Variants in MLLT10 observed in about 807,000 individuals in gnomAD.
MLLT10 encodes protein AF-10.
Under a neutral mutation model 129.1 loss-of-function variants are expected in MLLT10, and 30 were observed. The observed-to-expected ratio is 0.23, with a 90% CI of 0.17 to 0.32. The LOEUF is 0.32. Among genes scored for constraint, MLLT10 ranks in the 10% least tolerant of loss-of-function variants. The probability of loss-of-function intolerance (pLI) is 1.00; values close to 1 mark genes in which losing one functional copy is unlikely to be tolerated. For synonymous variants in MLLT10, 490 were observed against 446.4 expected (o/e 1.10, Z -1.23); for missense variants, 1,119 against 1,268.3 (o/e 0.88, Z 1.79).
At chr10:21,551,943 C>T (rs1349686583) in intron 3 of MLLT10, 4 of 280,360 alleles carry the variant, frequency 1.4e-5, no homozygotes, top group Non-Finnish European at 2.8e-5. Flanking sequence ...TACAGGCACA[C>T]ACCACCATGC....
At position 21,617,165 on chromosome 10, in the gene MLLT10, T is replaced by C. The variant is rs771970064; in HGVS notation, c.657T>C (p.Ser219=). The change falls in exon 8 of 23, where the codon TCT becomes TCC. Residue 219 remains serine (S), a synonymous_variant. Coordinates refer to ENST00000307729, the MANE Select transcript of MLLT10 (RefSeq NM_001195626.3). ...CATATGATCAAAGTTTAAGTGATTCTTCCTCTCACTCTCAGGATAAACATC... is the reference window on the plus strand; with the variant it reads ...CATATGATCAAAGTTTAAGTGATTCCTCCTCTCACTCTCAGGATAAACATC... ...NRSYDQSLSD[S]SSHSQDKHHE... is the part of the protein sequence containing the mutation. 7 of 1,543,512 alleles carry C rather than the reference T, an allele frequency of 4.5e-6. No homozygotes were observed. In the East Asian group the frequency reaches 1.4e-4, roughly 30 times the overall value.
chr10:21,711,747 C>G (rs1442701877), intron 13 of MLLT10, among the ~76,000 whole-genome samples: 1 of 152,058 alleles, frequency 6.6e-6, no homozygotes, highest in Non-Finnish European at 1.5e-5. Context: ...TCTCAGAAAA[C>G]AAACAAACAA....
At chr10:21,613,087 G>A (rs1589231772) in intron 6 of MLLT10, among the ~76,000 whole-genome samples, 2 of 150,424 alleles carry the variant, frequency 1.3e-5, no homozygotes, top group East Asian at 3.9e-4. Context: ...CTAGCTACTT[G>A]GAAAGCTGAG....
chr10:21,648,465 C>CTT (rs902501092), intron 8 of MLLT10, among the ~76,000 whole-genome samples: 3 of 152,060 alleles, frequency 2.0e-5, no homozygotes, highest in Non-Finnish European at 4.4e-5. Context: ...TGTTTGTTTA[C>CTT]TTTTTTGTTA....
chr10:21,693,271 G>C (rs547509520), intron 13 of MLLT10, among the ~76,000 whole-genome samples: 1 of 152,052 alleles, frequency 6.6e-6, no homozygotes, highest in South Asian at 2.1e-4. Context: ...TACTTCTCTA[G>C]GAAACTTACT....
rs774274141 is a variant in MLLT10, at chr10:21,673,558, C to T, written c.1260C>T (p.Leu420=). 6.2e-7 allele frequency: 1 copy of T among 1,613,288 alleles called. No individual in the cohort carries two copies. The highest frequency in any genetic ancestry group is 8.5e-7 in the Non-Finnish European group (1 of 1,179,738). Residue 420 remains leucine (L), a synonymous_variant, in exon 11 of 23, where the codon CTC becomes CTT. Transcript: ENST00000307729. ...ATAGTTTTAGTACCTTAATTGGCCT[C>T]CCTTCAACCTCAGCTGTTACTTCAC... ...GVNSFSTLIG[L]PSTSAVTSQP...
chr10:21,607,148 A>C (rs1278365988), intron 5 of MLLT10, among the ~76,000 whole-genome samples: 1 of 152,174 alleles, frequency 6.6e-6, no homozygotes, highest in African/African-American at 2.4e-5. Flanking sequence ...GAAGCCATCA[A>C]CACTGAGGCA....
Position 21,743,332 on chromosome 10 carries a change from CA to C in MLLT10, c.*1352del, listed in dbSNP as rs1833904714. 2 of 219,110 alleles carry C rather than the reference CA, an allele frequency of 9.1e-6. No individual in the cohort carries two copies. The highest frequency in any genetic ancestry group is 4.5e-5 in the African/African-American group (2 of 44,558). The allele number at this position is 219,110 out of a possible 1,614,324, so 13.6% of individuals were successfully genotyped here. On this transcript the variant is annotated 3_prime_UTR_variant, in exon 23 of 23. Coordinates refer to ENST00000307729, the MANE Select transcript of MLLT10 (RefSeq NM_001195626.3). ...TTTGTGAATCTGTTTTGTATTGTGA[CA>C]AATTCATAAGATAACATTGATATTT...
intron 11 of MLLT10, among the ~76,000 whole-genome samples, chr10:21,675,761 A>C (rs1033511485): frequency 6.6e-6 from 1 of 152,194 alleles, no homozygotes; most frequent in African/African-American, 2.4e-5. Context: ...AGACCTCTTT[A>C]CTGATTTTCT....
At chr10:21,729,988 G>A (rs2057821538) in intron 16 of MLLT10, among the ~76,000 whole-genome samples, 1 of 152,082 alleles carries the variant, frequency 6.6e-6, no homozygotes, top group Admixed American at 6.6e-5. Context: ...TGGGGGCTGG[G>A]CACGGTGGCT....
intron 9 of MLLT10, among the ~76,000 whole-genome samples, chr10:21,656,321 A>AT (rs1315908094): frequency 6.6e-6 from 1 of 152,162 alleles, no homozygotes; most frequent in African/African-American, 2.4e-5. Context: ...AAAATTATTG[A>AT]TATATCGTAG....
chr10:21,547,473 T>C, intron 3 of MLLT10, among the ~76,000 whole-genome samples: 1 of 151,504 alleles, frequency 6.6e-6, no homozygotes, highest in South Asian at 2.1e-4. Flanking sequence ...TGGGCTCATG[T>C]GATCCTCTCA....
At chr10:21,560,750 A>G (rs921698303) in intron 3 of MLLT10, among the ~76,000 whole-genome samples, 5 of 152,046 alleles carry the variant, frequency 3.3e-5, no homozygotes, top group African/African-American at 4.8e-5. Flanking sequence ...CATCTGGTCT[A>G]TTTTCTGGTT....
intron 3 of MLLT10, among the ~76,000 whole-genome samples, chr10:21,569,364 C>T (rs1460291299): frequency 6.6e-6 from 1 of 151,584 alleles, no homozygotes; most frequent in Non-Finnish European, 1.5e-5. Context: ...CTCAAATGAT[C>T]CTCCCACCTC....
chr10:21,742,024 A>C lies in MLLT10; in HGVS notation c.*41A>C, dbSNP rs557196032. On this transcript the variant is annotated 3_prime_UTR_variant, in exon 23 of 23. Coordinates refer to ENST00000307729, the MANE Select transcript of MLLT10 (RefSeq NM_001195626.3). ...TAGAAATTGCCTATCCTGCTGTTCT[A>C]GCACTTCATCTGGCTGCCTTTGCAG... 1.9e-6 allele frequency: 3 copies of C among 1,597,990 alleles called. No homozygotes were observed. The highest frequency in any genetic ancestry group is 1.7e-6 in the Non-Finnish European group (2 of 1,169,928).
rs56000691 is a variant in MLLT10, at chr10:21,676,720, C to CAAAAAAAAAAAAA, written c.1621+2825_1621+2837dup. Among the ~76,000 whole-genome samples, 9 of 32,012 alleles carry CAAAAAAAAAAAAA rather than the reference C, an allele frequency of 2.8e-4. 1 individual carries two copies. The highest frequency in any genetic ancestry group is 4.9e-3 in the East Asian group (2 of 412). 21.0% of individuals were successfully genotyped at this position (32,012 alleles called of 152,430 possible). A position where few individuals can be genotyped will look rare whatever the true frequency, so the allele number is the denominator to read the frequency against. On this transcript the variant is annotated intron_variant, in intron 11 of 22. Transcript: ENST00000307729. ...TGGGAGACAGAGCGAGACTCCATCT[C>CAAAAAAAAAAAAA]AAAAAAAAAAAAAAAAAAAAAAAAA...
At chr10:21,689,569 A>ATATATATATATATGTATGTG (rs2053632215) in intron 13 of MLLT10, among the ~76,000 whole-genome samples, 14 of 83,186 alleles carry the variant, frequency 1.7e-4, no homozygotes, top group African/African-American at 4.8e-4. Flanking sequence ...ATATATGTAT[A>ATATATATATATATGTATGTG]TATATATATA....
chr10:21,558,236 C>A (rs2038322530), intron 3 of MLLT10, among the ~76,000 whole-genome samples: 1 of 151,870 alleles, frequency 6.6e-6, no homozygotes, highest in Admixed American at 6.6e-5. Flanking sequence ...CAGGCGTGAG[C>A]CACTGTGCTT....
intron 8 of MLLT10, among the ~76,000 whole-genome samples, chr10:21,623,336 C>T (rs2046090790): frequency 6.6e-6 from 1 of 152,096 alleles, no homozygotes; most frequent in Admixed American, 6.6e-5. Context: ...CAAGATTTAC[C>T]TTATTAGTGT....
Sources: gnomAD v4.1 joint callset for allele counts (sites outside exome capture counted in the v4.1 genomes callset) on GRCh38, gnomAD v4.1.1 for gene constraint, MANE v1.5 for transcripts, NCBI Gene and HGNC (gene_info 2026-07-23, HGNC 2026-07-21) for gene names.